Variants in MYH1 observed in about 807,000 individuals in gnomAD.
MYH1 encodes myosin-1.
A neutral mutation model predicts 225.6 loss-of-function variants in MYH1; 214 were observed. The observed-to-expected ratio is 0.95, with a 90% confidence interval of 0.85 to 1.06. The LOEUF is 1.06. Among genes scored for constraint, MYH1 ranks in the 50% least tolerant of loss-of-function variants. The pLI, the probability that MYH1 is intolerant of heterozygous loss-of-function variation, is 0.00. For synonymous variants in MYH1, 774 were observed against 842.3 expected, an observed-to-expected ratio of 0.92 and a Z score of 1.40; for missense variants, 2,098 against 2,344.2, an observed-to-expected ratio of 0.89 and a Z score of 2.17.
chr17:10,495,073 T>C lies in MYH1; in HGVS notation c.5324A>G (p.Lys1775Arg). 2 of 1,614,228 alleles carry C rather than the reference T, an allele frequency of 1.2e-6. No homozygotes were observed. Among genetic ancestry groups the C allele is most frequent in the Non-Finnish European group, 1.7e-6 (2 of 1,180,038 alleles). The change falls in exon 37 of 40, where the codon AAG (lysine) becomes AGG (arginine). Residue 1775 changes from lysine to arginine, a missense_variant. Transcript: ENST00000226207. ...CAGATGGGCGCTGGTGTCCTGTTCC[T>C]TCTTCAGCTCCTCAGCCATCATGGC... ...DAAMMAEELK[K>R]EQDTSAHLER...
intron 15 of MYH1, 27 bp downstream of exon 15, chr17:10,509,458 T>C (rs1331205337): frequency 1.2e-6 from 2 of 1,614,100 alleles, no homozygotes; most frequent in Non-Finnish European, 8.5e-7. Context: ...AGCAGTATGA[T>C]CTGTGGTCTG....
At chr17:10,498,482 C>T (rs1173819098) in intron 30 of MYH1, 144 bp downstream of exon 30, 2 of 1,151,866 alleles carry the variant, frequency 1.7e-6, no homozygotes, top group African/African-American at 1.6e-5. Flanking sequence ...GAACTCCTCT[C>T]AGAATCTCTT....
At chr17:10,504,521 G>T (rs748179583) in intron 22 of MYH1, among the ~76,000 whole-genome samples, 2 of 152,172 alleles carry the variant, frequency 1.3e-5, no homozygotes, top group Non-Finnish European at 2.9e-5. Flanking sequence ...TTTCAGTAGG[G>T]AGAATTTAGG....
intron 12 of MYH1, 29 bp downstream of exon 12, chr17:10,512,379 T>G (rs1327057113): frequency 6.2e-7 from 1 of 1,614,134 alleles, no homozygotes; most frequent in East Asian, 2.2e-5. Flanking sequence ...TATTCTCTCA[T>G]TAAACCCAGA....
At position 10,505,435 on chromosome 17, in the gene MYH1, C is replaced by T; in HGVS notation, c.2251G>A (p.Gly751Arg). The T allele has an allele frequency of 1.2e-6, 2 of 1,614,148 alleles. No homozygotes were observed. Among genetic ancestry groups the T allele is most frequent in the Non-Finnish European group, 1.7e-6 (2 of 1,180,002 alleles). ...DSKKASEKLL[G>R]SIDIDHTQYK... is the part of the protein sequence containing the mutation. Reference sequence around the variant, plus strand: ...TGGGTGTGGTCAATGTCAATGGACCCCAGGAGCTTCTCTGAAGCCTTCTTG... The same window carrying T: ...TGGGTGTGGTCAATGTCAATGGACCTCAGGAGCTTCTCTGAAGCCTTCTTG... Residue 751 changes from glycine (G) to arginine (R), a missense_variant, in exon 20 of 40, where the codon GGG (glycine) becomes AGG (arginine). Gly to Arg is a moderately radical substitution (Grantham distance 125). Transcript: ENST00000226207.
Position 10,501,234 on chromosome 17 carries a change from G to A in MYH1, c.3614C>T (p.Ala1205Val). 4 of 1,614,154 alleles carry A rather than the reference G, an allele frequency of 2.5e-6. No individual in the cohort carries two copies. Among genetic ancestry groups the A allele is most frequent in the Non-Finnish European group, 3.4e-6 (4 of 1,180,024 alleles). ...GTTGTCAATCTGCTCCCCAAGCTCG[G>A]CCACACTATCTGCATGCTTCTTCCT... ...TLRKKHADSV[A>V]ELGEQIDNLQ... Residue 1205 changes from alanine (A) to valine (V), a missense_variant, in exon 27 of 40, where the codon GCC (alanine) becomes GTC (valine). Transcript: ENST00000226207.
chr17:10,509,350 G>T, intron 15 of MYH1, 135 bp downstream of exon 15: 1 of 1,394,130 alleles, frequency 7.2e-7, no homozygotes, highest in Non-Finnish European at 9.8e-7. Flanking sequence ...CTACTTCAGA[G>T]TTGGCAAAAT....
intron 14 of MYH1, among the ~76,000 whole-genome samples, 158 bp downstream of exon 14, chr17:10,511,681 T>G (rs2073170961): frequency 6.6e-6 from 1 of 152,206 alleles, no homozygotes; most frequent in South Asian, 2.1e-4. Context: ...TTCACTTCCT[T>G]TCACGGTCTT....
intron 14 of MYH1, among the ~76,000 whole-genome samples, chr17:10,510,710 A>T (rs962213508): frequency 1.3e-5 from 2 of 152,112 alleles, no homozygotes; most frequent in Non-Finnish European, 2.9e-5. Flanking sequence ...ACCACATATT[A>T]TCCGATTCCA....
chr17:10,494,270 T>C lies in MYH1; in HGVS notation c.5667+84A>G, dbSNP rs555230613. ...TTGTTTTCTTTTGATCCTTCCTCATTTTACTCATCTTTTCTTTTGTCACTT... is the reference window on the plus strand; with the variant it reads ...TTGTTTTCTTTTGATCCTTCCTCATCTTACTCATCTTTTCTTTTGTCACTT... On this transcript the variant is annotated intron_variant, in intron 39 of 39. Transcript: ENST00000226207. 67 of 1,326,738 alleles carry C rather than the reference T, an allele frequency of 5.0e-5. No homozygotes were observed. In the African/African-American group the frequency reaches 8.9e-4, roughly 18 times the overall value. 82.2% of individuals were successfully genotyped at this position (1,326,738 alleles called of 1,614,324 possible).
In MYH1 at chr17:10,509,638, C is replaced by G. The variant is rs377503297; in HGVS notation, c.1434G>C (p.Gln478His). The G allele has an allele frequency of 5.6e-6, 9 of 1,614,088 alleles. No individual in the cohort carries two copies. The highest frequency in any genetic ancestry group is 7.6e-6 in the Non-Finnish European group (9 of 1,180,050). ...FEIFDFNSLE[Q>H]LCINFTNEKL... is the part of the protein sequence containing the mutation. Reference sequence around the variant, plus strand: ...TCTCATTGGTGAAGTTGATGCACAGCTGCTCCAGGCTGTTGAACTAAATGA... The same window carrying G: ...TCTCATTGGTGAAGTTGATGCACAGGTGCTCCAGGCTGTTGAACTAAATGA... Residue 478 changes from glutamine to histidine, a missense_variant, in exon 15 of 40, where the codon CAG (glutamine) becomes CAC (histidine). Physicochemically the swap from Gln to His is conservative, Grantham distance 24. Transcript: ENST00000226207.
At chr17:10,516,148 C>T in intron 4 of MYH1, 51 bp downstream of exon 4, 1 of 1,613,272 alleles carries the variant, frequency 6.2e-7, no homozygotes, top group Non-Finnish European at 8.5e-7. Flanking sequence ...TACTACTTTT[C>T]AAAAACTATT....
chr17:10,498,764 C>T lies in MYH1; in HGVS notation c.4043G>A (p.Arg1348Gln), dbSNP rs146728905. Residue 1348 changes from arginine to glutamine, a missense_variant, in exon 30 of 40, where the codon CGG becomes CAG. Physicochemically the swap from Arg to Gln is conservative, Grantham distance 43. Transcript: ENST00000226207. ...TTCCTGCTCCTCCTCATACTGTTCCCGCAGCAGGTCACAGTCATGGCGGGA... is the reference window on the plus strand; with the variant it reads ...TTCCTGCTCCTCCTCATACTGTTCCTGCAGCAGGTCACAGTCATGGCGGGA... ...QSSRHDCDLL[R>Q]EQYEEEQEAK... 4.7e-5 allele frequency: 76 copies of T among 1,614,194 alleles called. No homozygotes were observed. The highest frequency in any genetic ancestry group is 1.3e-4 in the East Asian group (6 of 44,890).
At position 10,512,910 on chromosome 17, in the gene MYH1, A is replaced by G. The variant is rs565742036; in HGVS notation, c.861T>C (p.His287=). ...TGTTAGACATGATCTGATAAAAAATATGATAGCTTCTTTCAGCCTTTAGCT... is the reference window on the plus strand; with the variant it reads ...TGTTAGACATGATCTGATAAAAAATGTGATAGCTTCTTTCAGCCTTTAGCT... ...TFQLKAERSY[H]IFYQIMSNKK... The change falls in exon 10 of 40, where the codon CAT becomes CAC. Residue 287 remains histidine, a synonymous_variant. Transcript: ENST00000226207. 6.2e-7 allele frequency: 1 copy of G among 1,613,868 alleles called. No homozygotes were observed. Among genetic ancestry groups the G allele is most frequent in the African/African-American group, 1.3e-5 (1 of 75,054 alleles).
Position 10,515,940 on chromosome 17 carries a change from T to G in MYH1, c.491A>C (p.Gln164Pro). ...HIFSISDNAY[Q>P]FMLTDRENQS... ...GAGCCACTCACCAGTCAGCATGAAC[T>G]GATAGGCATTGTCAGAGATGGAGAA... is the stretch of plus-strand genomic sequence containing the variant. The change falls in exon 5 of 40, where the codon CAG becomes CCG. Residue 164 changes from glutamine (Q) to proline (P), a missense_variant. Coordinates refer to ENST00000226207, the MANE Select transcript of MYH1 (RefSeq NM_005963.4). 1 of 1,614,200 alleles carries G rather than the reference T, an allele frequency of 6.2e-7. No individual in the cohort carries two copies. Among genetic ancestry groups the G allele is most frequent in the Non-Finnish European group, 8.5e-7 (1 of 1,180,024 alleles).
chr17:10,507,949 G>C lies in MYH1; in HGVS notation c.1905C>G (p.Gly635=). The change falls in exon 17 of 40, where the codon GGC becomes GGG. Residue 635 remains glycine, a synonymous_variant. Coordinates refer to ENST00000226207, the MANE Select transcript of MYH1 (RefSeq NM_005963.4). ...VGATGAEAEA[G]GGKKGGKKKG... is the part of the protein sequence containing the mutation. ...TCTTCTTACCACCTTTCTTTCCACC[G>C]CCAGCCTCTGAGGGGAAAAAGAAAG... The C allele has an allele frequency of 6.2e-7, 1 of 1,611,622 alleles. No individual in the cohort carries two copies. The highest frequency in any genetic ancestry group is 8.5e-7 in the Non-Finnish European group (1 of 1,178,854).
chr17:10,515,752 G>C (rs1001370409), intron 5 of MYH1, among the ~76,000 whole-genome samples, 174 bp downstream of exon 5: 1 of 152,198 alleles, frequency 6.6e-6, no homozygotes, highest in Admixed American at 6.5e-5. Context: ...GTAATCAGGA[G>C]AGCTGTGTTT....
Position 10,511,880 on chromosome 17 carries a change from A to T in MYH1, c.1375T>A (p.Phe459Ile). ...QLDTKQPRQYFIGVLDIAGFE... is the reference protein window; with the variant it reads ...QLDTKQPRQYIIGVLDIAGFE... ...CCAGCAATGTCCAAGACCCCAATGA[A>T]GTACTGCCTGGGCTGCTTGGTGTCC... The change falls in exon 14 of 40, where the codon TTC becomes ATC. Residue 459 changes from phenylalanine (F) to isoleucine (I), a missense_variant. Phe to Ile is a conservative substitution (Grantham distance 21, BLOSUM62 0). Coordinates refer to ENST00000226207, the MANE Select transcript of MYH1 (RefSeq NM_005963.4). 6.2e-7 allele frequency: 1 copy of T among 1,614,224 alleles called. No individual in the cohort carries two copies. The highest frequency in any genetic ancestry group is 2.2e-5 in the East Asian group (1 of 44,886).
At position 10,497,534 on chromosome 17, in the gene MYH1, T is replaced by A. The variant is rs962444052; in HGVS notation, c.4366-82A>T. The A allele has an allele frequency of 4.6e-6, 7 of 1,526,898 alleles. No individual in the cohort carries two copies. In the African/African-American group the frequency reaches 8.4e-5, roughly 18 times the overall value. The allele number at this position is 1,526,898 out of a possible 1,614,324, so 94.6% of individuals were successfully genotyped here. On this transcript the variant is annotated intron_variant, in intron 31 of 39. Transcript: ENST00000226207. ...CCATCTATTCTAGCACCTCTCAGAG[T>A]TGAGGTGTTCTGGGACTGAAAAAAA...
Sources: allele counts gnomAD v4.1 joint callset (sites outside exome capture counted in the v4.1 genomes callset), GRCh38; gene constraint gnomAD v4.1.1; transcripts MANE v1.5; gene names NCBI Gene and HGNC (gene_info 2026-07-23, HGNC 2026-07-21).